Variants in TNC observed in about 807,000 individuals in gnomAD.
TNC encodes tenascin.
In TNC, 109 loss-of-function variants were observed where a neutral mutation model predicts 202.4. The ratio of observed to expected loss-of-function variants is 0.54; its 90% confidence interval spans 0.46 to 0.63. The LOEUF is 0.63. TNC is among the 30% of genes least tolerant of loss of function. The probability of loss-of-function intolerance (pLI) is 0.00; values close to 1 mark genes in which losing one functional copy is unlikely to be tolerated. For missense variants in TNC, 2,756 were observed against 2,833.3 expected, an observed-to-expected ratio of 0.97 and a Z score of 0.62; for synonymous variants, 1,007 against 1,089.7, an observed-to-expected ratio of 0.92 and a Z score of 1.50.
chr9:115,046,223 T>C (rs975417379), intron 17 of TNC, among the ~76,000 whole-genome samples, 187 bp downstream of exon 17: 1 of 152,216 alleles, frequency 6.6e-6, no homozygotes, highest in African/African-American at 2.4e-5. Context: ...ATTAAGTAAA[T>C]GGCATCATAC....
chr9:115,110,069 C>T (rs753275509), intron 1 of TNC, among the ~76,000 whole-genome samples: 1 of 152,066 alleles, frequency 6.6e-6, no homozygotes, highest in Non-Finnish European at 1.5e-5. Context: ...AAAAAAGAAA[C>T]ATAGGTAGAA....
rs1831381286 is a variant in TNC at position 115,048,466 on chromosome 9, C to T, written c.4646G>A (p.Trp1549Ter). The T allele has an allele frequency of 6.2e-7, 1 of 1,613,960 alleles. No individual in the cohort carries two copies. Among genetic ancestry groups the T allele is most frequent in the Non-Finnish European group, 8.5e-7 (1 of 1,179,934 alleles). Residue 1549 changes from tryptophan to a stop codon, truncating the protein, a stop_gained, in exon 16 of 28, where the codon TGG (tryptophan) becomes TAG (stop). Transcript: ENST00000350763. LOFTEE classifies it high-confidence loss of function. The part of the protein sequence containing the change: ...DINPYGFTVS[W>*]MASENAFDSF... Reference sequence around the variant, plus strand: ...GTCAAAGGCATTCTCCGATGCCATCCAGGAAACTGTGAACCCGTAGGGATT... The same window carrying T: ...GTCAAAGGCATTCTCCGATGCCATCTAGGAAACTGTGAACCCGTAGGGATT...
intron 1 of TNC, among the ~76,000 whole-genome samples, chr9:115,110,741 A>C (rs1836977968): frequency 6.6e-6 from 1 of 152,238 alleles, no homozygotes; most frequent in African/African-American, 2.4e-5. Context: ...ATTGCCGTGA[A>C]AGGCCCCTCC....
intron 17 of TNC, 108 bp from the exon 18 acceptor site, chr9:115,042,449 G>A (rs750077278): frequency 1.3e-5 from 19 of 1,459,004 alleles, no homozygotes; most frequent in Non-Finnish European, 1.8e-5. Flanking sequence ...TAGAATTTGT[G>A]TCTGAGCCAA....
chr9:115,093,569 C>T (rs1835389312), intron 1 of TNC, among the ~76,000 whole-genome samples: 1 of 151,492 alleles, frequency 6.6e-6, no homozygotes, highest in Admixed American at 6.6e-5. Flanking sequence ...CTCTAACTCT[C>T]TTCACCTTCA....
At chr9:115,056,329 A>G (rs1305893364) in intron 15 of TNC, among the ~76,000 whole-genome samples, 1 of 152,168 alleles carries the variant, frequency 6.6e-6, no homozygotes, top group Non-Finnish European at 1.5e-5. Flanking sequence ...AATTGTGCTA[A>G]GAATGCTACT....
chr9:115,065,901 C>CAAAAAAAAAAAAAAAAAAAAA, intron 10 of TNC, among the ~76,000 whole-genome samples: 1 of 46,674 alleles, frequency 2.1e-5, no homozygotes, highest in Non-Finnish European at 3.9e-5. Context: ...GACTCCATCT[C>CAAAAAAAAAAAAAAAAAAAAA]AAAAAAAAAA....
intron 22 of TNC, among the ~76,000 whole-genome samples, chr9:115,033,625 T>C (rs1175777760): frequency 6.6e-6 from 1 of 152,228 alleles, no homozygotes; most frequent in Admixed American, 6.5e-5. Context: ...TTCATTGTTA[T>C]ATCAATTCCA....
In TNC at chr9:115,029,436, G is replaced by T; in HGVS notation, c.6093C>A (p.Asn2031Lys). ...GGWIVFLRRK[N>K]GRENFYQNWK... ...AGTTTTGGTAGAAGTTCTCGCGTCC[G>T]TTTTTGCGTCTCAGGAACACCTATA... Residue 2031 changes from asparagine to lysine, a missense_variant, in exon 25 of 28, where the codon AAC becomes AAA. Coordinates refer to ENST00000350763, the MANE Select transcript of TNC (RefSeq NM_002160.4). 2 of 1,614,102 alleles carry T rather than the reference G, an allele frequency of 1.2e-6. No homozygotes were observed. Among genetic ancestry groups the T allele is most frequent in the Non-Finnish European group, 1.7e-6 (2 of 1,179,996 alleles).
chr9:115,081,283 C>T (rs1834283050), intron 6 of TNC, among the ~76,000 whole-genome samples: 1 of 152,152 alleles, frequency 6.6e-6, no homozygotes, highest in African/African-American at 2.4e-5. Flanking sequence ...TAGCAATGGG[C>T]TTAATTATCT....
rs1829772249 is a variant in TNC at position 115,029,304 on chromosome 9, G to GTGACAAGGAGGGCAGAATC, written c.6169+37_6169+55dup. ...CATAGGTCCCTGTGGGTTAGGAAAA[G>GTGACAAGGAGGGCAGAATC]TGACAAGGAGGGCAGAATCAGGCAT... On this transcript the variant is annotated intron_variant, in intron 25 of 27. Transcript: ENST00000350763. 2.0e-6 allele frequency: 3 copies of GTGACAAGGAGGGCAGAATC among 1,532,960 alleles called. No individual in the cohort carries two copies. The South Asian group carries it at 3.4e-5, about 17-fold the overall frequency. The allele number at this position is 1,532,960 out of a possible 1,614,324, so 95.0% of individuals were successfully genotyped here.
At chr9:115,077,071 A>AT (rs986961576) in intron 7 of TNC, among the ~76,000 whole-genome samples, 6 of 148,764 alleles carry the variant, frequency 4.0e-5, no homozygotes, top group African/African-American at 1.0e-4. Flanking sequence ...TTATTTATTT[A>AT]TTTTTTTGAG....
In TNC at chr9:115,107,705, T is replaced by C. The variant is rs535061602; in HGVS notation, c.-137+10277A>G. The stretch of plus-strand genomic sequence containing the variant: ...TCTAAAATGTCTGCTTTCAACTACA[T>C]TGAGCTACACTGGGCTGACTCCTAA... On this transcript the variant is annotated intron_variant, in intron 1 of 27. Transcript: ENST00000350763. Among the ~76,000 whole-genome samples, 8 of 152,332 alleles carry C rather than the reference T, an allele frequency of 5.3e-5. No homozygotes were observed. The South Asian group carries it at 1.4e-3, about 28-fold the overall frequency.
chr9:115,046,307 G>T (rs1588050588), intron 17 of TNC, 103 bp downstream of exon 17: 4 of 1,344,624 alleles, frequency 3.0e-6, no homozygotes, highest in African/African-American at 2.9e-5. Context: ...GGATCAGAGC[G>T]CCAGCCTGCC....
At chr9:115,055,382 C>A (rs1832031766) in intron 15 of TNC, 1 of 152,422 alleles carries the variant, frequency 6.6e-6, no homozygotes, top group Non-Finnish European at 1.5e-5. Context: ...GGATTGGGAG[C>A]AACTAGGAGG....
intron 10 of TNC, among the ~76,000 whole-genome samples, chr9:115,070,372 G>T (rs1564468613): frequency 6.6e-6 from 1 of 152,134 alleles, no homozygotes; most frequent in African/African-American, 2.4e-5. Flanking sequence ...CCGAGGGTGG[G>T]AGCAGGCTCA....
At chr9:115,046,072 A>T (rs113053575) in intron 17 of TNC, among the ~76,000 whole-genome samples, 18 of 117,176 alleles carry the variant, frequency 1.5e-4, no homozygotes, top group Non-Finnish European at 1.7e-4. Flanking sequence ...TTTGGAACGT[A>T]AAAAAAAAAA....
At chr9:115,110,755 G>T (rs1346815525) in intron 1 of TNC, among the ~76,000 whole-genome samples, 1 of 152,172 alleles carries the variant, frequency 6.6e-6, no homozygotes, top group African/African-American at 2.4e-5. Flanking sequence ...CCCCTCCCTG[G>T]GGTGAAATTC....
chr9:115,045,546 T>A (rs1294696363), intron 17 of TNC, among the ~76,000 whole-genome samples: 1 of 140,572 alleles, frequency 7.1e-6, no homozygotes, highest in Non-Finnish European at 1.5e-5. Flanking sequence ...TTTTGATTTT[T>A]TTTTTTTTTT....
Sources: allele counts gnomAD v4.1 joint callset (sites outside exome capture counted in the v4.1 genomes callset), GRCh38; gene constraint gnomAD v4.1.1; transcripts MANE v1.5; gene names NCBI Gene and HGNC (gene_info 2026-07-23, HGNC 2026-07-21).